SPOCK3: variants seen among roughly 807,000 people sequenced by gnomAD.
SPOCK3 encodes the protein testican-3.
Under a neutral mutation model 56.6 loss-of-function variants are expected in SPOCK3, and 30 were observed. The observed-to-expected ratio is 0.53, with a 90% CI of 0.40 to 0.72. The LOEUF (loss-of-function observed/expected upper bound fraction) is 0.72, where lower values mean the gene tolerates loss of function less well. SPOCK3 is among the 30% of genes least tolerant of loss of function. The pLI, the probability that SPOCK3 is intolerant of heterozygous loss-of-function variation, is 0.00. For synonymous variants in SPOCK3, 196 were observed against 183.3 expected (o/e 1.07, Z -0.56); for missense variants, 527 against 530.0 (o/e 0.99, Z 0.06).
At chr4:166,993,740 G>A (rs1748052228) in intron 4 of SPOCK3, among the ~76,000 whole-genome samples, 1 of 152,014 alleles carries the variant, frequency 6.6e-6, no homozygotes, top group South Asian at 2.1e-4. Context: ...AATATTCGTG[G>A]GTTAACAAGC....
At chr4:167,215,329 G>C (rs1300411026) in intron 2 of SPOCK3, among the ~76,000 whole-genome samples, 2 of 152,042 alleles carry the variant, frequency 1.3e-5, no homozygotes, top group Admixed American at 1.3e-4. Context: ...CTCCTGGAGT[G>C]CAAGGTACAG....
chr4:167,129,240 G>A (rs534133501), intron 2 of SPOCK3, among the ~76,000 whole-genome samples: 21 of 152,194 alleles, frequency 1.4e-4, no homozygotes, highest in Non-Finnish European at 2.1e-4. Context: ...TCAGCAAACT[G>A]CATTTTAAGC....
intron 6 of SPOCK3, among the ~76,000 whole-genome samples, chr4:166,857,894 C>G (rs938554397): frequency 8.5e-5 from 13 of 152,148 alleles, no homozygotes; most frequent in African/African-American, 2.7e-4. Context: ...TAATTGTATT[C>G]TCCTTTTCTA....
chr4:166,750,883 T>A (rs1736287731), intron 8 of SPOCK3, among the ~76,000 whole-genome samples: 1 of 152,000 alleles, frequency 6.6e-6, no homozygotes, highest in Non-Finnish European at 1.5e-5. Flanking sequence ...TAATATAGAG[T>A]CAAAACTGAA....
intron 2 of SPOCK3, among the ~76,000 whole-genome samples, chr4:167,192,305 G>C (rs77398340): frequency 0.015 from 2,246 of 145,592 alleles, 326 homozygotes; most frequent in African/African-American, 0.05. Context: ...CCGATAATAT[G>C]AATTTGGAAG....
rs140050240 is a variant in SPOCK3 at position 167,157,785 on chromosome 4, C to T, written c.189+76200G>A. Among the ~76,000 whole-genome samples, 7 of 151,694 alleles carry T rather than the reference C, an allele frequency of 4.6e-5. No homozygotes were observed. The East Asian group carries it at 9.7e-4, about 21-fold the overall frequency. Reference sequence around the variant, plus strand: ...ACACACACACAGACACACCCCCAAACGTAGTTTTGGTTTCTCAGATATTTC... The same window carrying T: ...ACACACACACAGACACACCCCCAAATGTAGTTTTGGTTTCTCAGATATTTC... On this transcript the variant is annotated intron_variant, in intron 2 of 10. Transcript: ENST00000357545.
intron 9 of SPOCK3, among the ~76,000 whole-genome samples, chr4:166,739,927 A>C (rs759985846): frequency 2.2e-4 from 33 of 152,164 alleles, no homozygotes; most frequent in Admixed American, 5.2e-4. Flanking sequence ...GATAGACAGA[A>C]TATCATTAAC....
At chr4:167,169,264 C>A (rs987581275) in intron 2 of SPOCK3, among the ~76,000 whole-genome samples, 1 of 152,168 alleles carries the variant, frequency 6.6e-6, no homozygotes, top group Non-Finnish European at 1.5e-5. Flanking sequence ...TGACAGCTTG[C>A]AATGTGTGCT....
intron 2 of SPOCK3, among the ~76,000 whole-genome samples, chr4:167,101,527 T>C (rs920729947): frequency 6.6e-6 from 1 of 151,896 alleles, no homozygotes. Context: ...ATATTATGCT[T>C]GCTAATTACC....
chr4:166,872,055 TACACAC>T (rs375568982), intron 6 of SPOCK3, among the ~76,000 whole-genome samples: 8 of 149,076 alleles, frequency 5.4e-5, no homozygotes, highest in Non-Finnish European at 9.0e-5. Context: ...CACACAAACA[TACACAC>T]ACACACACAC....
intron 6 of SPOCK3, among the ~76,000 whole-genome samples, chr4:166,806,466 T>A (rs2126708401): frequency 6.6e-6 from 1 of 152,234 alleles, no homozygotes; most frequent in Admixed American, 6.5e-5. Flanking sequence ...TGAACTAAGT[T>A]ATTTCTCCAA....
intron 2 of SPOCK3, among the ~76,000 whole-genome samples, chr4:167,164,518 C>A (rs1257074191): frequency 1.3e-5 from 2 of 152,002 alleles, no homozygotes; most frequent in African/African-American, 4.8e-5. Context: ...TGGTTTGCTG[C>A]ACCTATCAAC....
chr4:166,829,586 C>T (rs1440250431), intron 6 of SPOCK3, among the ~76,000 whole-genome samples: 4 of 152,000 alleles, frequency 2.6e-5, no homozygotes, highest in South Asian at 4.1e-4. Flanking sequence ...ACTTACTAAT[C>T]GTCTCAATAC....
At chr4:167,056,120 A>T (rs963846442) in intron 3 of SPOCK3, among the ~76,000 whole-genome samples, 1 of 152,182 alleles carries the variant, frequency 6.6e-6, no homozygotes, top group Non-Finnish European at 1.5e-5. Context: ...CAGAGGAACG[A>T]TCAGACAGCA....
chr4:167,004,420 G>A (rs1405757851), intron 3 of SPOCK3, among the ~76,000 whole-genome samples: 2 of 152,184 alleles, frequency 1.3e-5, no homozygotes, highest in African/African-American at 2.4e-5. Flanking sequence ...TATCGCCTGT[G>A]AGTATCGTGG....
chr4:167,085,298 A>G (rs1758092019), intron 2 of SPOCK3, among the ~76,000 whole-genome samples: 1 of 152,092 alleles, frequency 6.6e-6, no homozygotes, highest in Admixed American at 6.6e-5. Context: ...AAAATGCCCA[A>G]ACAGACTTTT....
At chr4:167,001,452 T>C (rs1245567596) in intron 3 of SPOCK3, among the ~76,000 whole-genome samples, 1 of 152,218 alleles carries the variant, frequency 6.6e-6, no homozygotes, top group East Asian at 1.9e-4. Context: ...TGTTGTACCA[T>C]GAATCACTAC....
intron 2 of SPOCK3, among the ~76,000 whole-genome samples, chr4:167,104,764 C>T (rs1202770090): frequency 4.6e-5 from 7 of 151,486 alleles, no homozygotes; most frequent in Admixed American, 4.6e-4. Flanking sequence ...GCGGATTGAA[C>T]CCAAAGATTA....
intron 7 of SPOCK3, among the ~76,000 whole-genome samples, chr4:166,788,075 G>T (rs1300341210): frequency 2.6e-5 from 4 of 152,068 alleles, no homozygotes; most frequent in African/African-American, 9.7e-5. Context: ...CCAGCTATTT[G>T]TGAAGCTGAG....
Sources: allele counts gnomAD v4.1 joint callset (sites outside exome capture counted in the v4.1 genomes callset), GRCh38; gene constraint gnomAD v4.1.1; transcripts MANE v1.5; gene names NCBI Gene and HGNC (gene_info 2026-07-23, HGNC 2026-07-21).